The following CLHC1 variants were observed in gnomAD, a reference collection of about 807,000 sequenced individuals.
CLHC1 encodes the protein clathrin heavy chain linker domain containing 1.
Under a neutral mutation model 69.5 loss-of-function variants are expected in CLHC1, and 72 were observed. That is an observed-to-expected ratio of 1.04 (90% CI 0.86 to 1.26). The LOEUF is 1.26. CLHC1 is among the 50% of genes most tolerant of loss of function. The pLI, the probability that CLHC1 is intolerant of heterozygous loss-of-function variation, is 0.00. For missense variants in CLHC1, 790 were observed against 679.3 expected, an observed-to-expected ratio of 1.16 and a Z score of -1.81; for synonymous variants, 223 against 224.3, an observed-to-expected ratio of 0.99 and a Z score of 0.05.
At chr2:55,197,158 C>A (rs187971745) in intron 9 of CLHC1, among the ~76,000 whole-genome samples, 1 of 152,232 alleles carries the variant, frequency 6.6e-6, no homozygotes, top group Admixed American at 6.5e-5. Flanking sequence ...GTCTTATGGT[C>A]TGGGTCCAAG....
At chr2:55,218,020 T>A in intron 3 of CLHC1, 22 bp from the exon 4 acceptor site, 2 of 1,317,392 alleles carry the variant, frequency 1.5e-6, no homozygotes, top group Admixed American at 2.9e-5. Flanking sequence ...TTTTTCTGCC[T>A]ATGGTATTGA....
rs1669212374 is a variant in CLHC1, at chr2:55,174,512, T to G, written c.*1278A>C. 6.6e-6 allele frequency among the ~76,000 whole-genome samples: 1 copy of G among 152,196 alleles called. No homozygotes were observed. The highest frequency in any genetic ancestry group is 1.9e-4 in the East Asian group (1 of 5,198). The stretch of plus-strand genomic sequence containing the variant: ...TTACAAAGGAATTACAGCTATCTTT[T>G]CCTAAGTTCCTCTATCATGTTATAC... On this transcript the variant is annotated 3_prime_UTR_variant, in exon 13 of 13. Coordinates refer to ENST00000401408, the MANE Select transcript of CLHC1 (RefSeq NM_152385.4).
At chr2:55,229,394 T>C (rs1675043882) in intron 1 of CLHC1, among the ~76,000 whole-genome samples, 1 of 151,978 alleles carries the variant, frequency 6.6e-6, no homozygotes, top group Non-Finnish European at 1.5e-5. Context: ...AGATGAGTGG[T>C]TGAGGCAAAG....
intron 2 of CLHC1, among the ~76,000 whole-genome samples, chr2:55,226,065 G>A (rs545889892): frequency 2.0e-5 from 3 of 152,036 alleles, no homozygotes; most frequent in African/African-American, 7.2e-5. Flanking sequence ...GGTGGCGGGC[G>A]CCTGTAGTCC....
At chr2:55,214,595 A>G (rs762596762) in intron 4 of CLHC1, 10 of 152,272 alleles carry the variant, frequency 6.6e-5, no homozygotes, top group Non-Finnish European at 1.5e-4. Flanking sequence ...CTTGGTAACT[A>G]TTGATGGCTC....
chr2:55,203,939 T>C (rs1473708090), intron 9 of CLHC1, among the ~76,000 whole-genome samples: 1 of 152,002 alleles, frequency 6.6e-6, no homozygotes, highest in South Asian at 2.1e-4. Flanking sequence ...CCAGAATACA[T>C]AAGGAGCTCA....
intron 9 of CLHC1, among the ~76,000 whole-genome samples, chr2:55,190,269 G>A (rs894147471): frequency 6.6e-6 from 1 of 151,776 alleles, no homozygotes; most frequent in African/African-American, 2.4e-5. Context: ...GGTTGGTCTC[G>A]ATCTCCTGAC....
chr2:55,207,687 C>T (rs898010482), intron 8 of CLHC1, among the ~76,000 whole-genome samples: 7 of 151,972 alleles, frequency 4.6e-5, no homozygotes, highest in Admixed American at 4.6e-4. Flanking sequence ...TAAAAATGCT[C>T]CTGCATGTTA....
intron 9 of CLHC1, among the ~76,000 whole-genome samples, chr2:55,184,633 G>A (rs543213550): frequency 3.3e-5 from 5 of 152,044 alleles, no homozygotes; most frequent in East Asian, 3.9e-4. Flanking sequence ...TAGGCCAGGC[G>A]CGGTGGCTCA....
intron 9 of CLHC1, among the ~76,000 whole-genome samples, chr2:55,187,484 A>G (rs1218497214): frequency 1.3e-5 from 2 of 151,776 alleles, no homozygotes; most frequent in Non-Finnish European, 2.9e-5. Context: ...GTGGTGGTGC[A>G]TGCCTCTAGT....
At chr2:55,213,419 G>A (rs140832061) in intron 4 of CLHC1, among the ~76,000 whole-genome samples, 24 of 152,256 alleles carry the variant, frequency 1.6e-4, no homozygotes, top group African/African-American at 5.3e-4. Flanking sequence ...CATATTTAGG[G>A]CTTACTTTTA....
chr2:55,229,972 C>A (rs1675111111), intron 1 of CLHC1, among the ~76,000 whole-genome samples: 1 of 152,204 alleles, frequency 6.6e-6, no homozygotes, highest in Admixed American at 6.5e-5. Flanking sequence ...ACTGGAGAGG[C>A]TGAGGCAGGA....
intron 4 of CLHC1, chr2:55,216,210 C>G (rs189965100): frequency 3.3e-4 from 50 of 150,776 alleles, no homozygotes; most frequent in African/African-American, 1.1e-3. Context: ...TCGGTTGAAT[C>G]TGGGAGACGG....
chr2:55,209,738 A>G lies in CLHC1; in HGVS notation c.593T>C (p.Leu198Ser). 6.2e-7 allele frequency: 1 copy of G among 1,612,948 alleles called. No homozygotes were observed. The highest frequency in any genetic ancestry group is 8.5e-7 in the Non-Finnish European group (1 of 1,179,086). Reference sequence around the variant, plus strand: ...CCTCTGAGCTGGCACATATTTTATCAACATAGCTTGTTTAATTTCTGCATA... The same window carrying G: ...CCTCTGAGCTGGCACATATTTTATCGACATAGCTTGTTTAATTTCTGCATA... ...DKYAEIKQAM[L>S]IKYVPAQRKA... The change falls in exon 6 of 13, where the codon TTG becomes TCG. Residue 198 changes from leucine to serine, a missense_variant. Leu to Ser is a moderately radical substitution (Grantham distance 145). Transcript: ENST00000401408.
intron 8 of CLHC1, chr2:55,207,000 AG>A (rs1672514972): frequency 6.6e-6 from 1 of 152,224 alleles, no homozygotes; most frequent in Admixed American, 6.6e-5. Context: ...CTGTAGTCCC[AG>A]CTGCTCAGGA....
At position 55,180,985 on chromosome 2, in the gene CLHC1, TA is replaced by T. The variant is rs1179542858; in HGVS notation, c.1182-274del. ...ATTTCTACAGGAAACTAAATGCATA[TA>T]TATATATATTTTTAGATTGAGTCTC... On this transcript the variant is annotated intron_variant, in intron 10 of 12. Transcript: ENST00000401408. 5.9e-5 allele frequency among the ~76,000 whole-genome samples: 9 copies of T among 152,184 alleles called. 1 individual carries two copies. Among genetic ancestry groups the T allele is most frequent in the African/African-American group, 1.9e-4 (8 of 41,512 alleles).
intron 9 of CLHC1, among the ~76,000 whole-genome samples, chr2:55,195,532 C>T (rs956769275): frequency 1.2e-4 from 19 of 152,086 alleles, no homozygotes; most frequent in Admixed American, 5.9e-4. Flanking sequence ...CCGGGCATGG[C>T]GGCTCACACC....
chr2:55,186,365 A>G (rs2103735239), intron 9 of CLHC1, among the ~76,000 whole-genome samples: 1 of 152,322 alleles, frequency 6.6e-6, no homozygotes, highest in African/African-American at 2.4e-5. Flanking sequence ...ACACAAATCA[A>G]AGCACATCCA....
rs763144376 is a variant in CLHC1 at position 55,180,030 on chromosome 2, T to C, written c.1384+480A>G. On this transcript the variant is annotated intron_variant, in intron 11 of 12. Transcript: ENST00000401408. ...TTAGCCGGGCGTAGTGGCGGGCACC[T>C]GTAGTCCCAGCTACTTGGGAGGCTG... Among the ~76,000 whole-genome samples the C allele has an allele frequency of 2.2e-3, 341 of 152,024 alleles. 2 individuals are homozygous for C. Among genetic ancestry groups the C allele is most frequent in the Non-Finnish European group, 4.1e-3 (281 of 67,928 alleles).
Sources: allele counts gnomAD v4.1 joint callset (sites outside exome capture counted in the v4.1 genomes callset), GRCh38; gene constraint gnomAD v4.1.1; transcripts MANE v1.5; gene names NCBI Gene and HGNC (gene_info 2026-07-23, HGNC 2026-07-21).